The following PPP4R1 variants were observed in gnomAD, a reference collection of about 807,000 sequenced individuals.
The protein encoded by PPP4R1 is serine/threonine-protein phosphatase 4 regulatory subunit 1.
In PPP4R1, 42 loss-of-function variants were observed where a neutral mutation model predicts 111.2. That is an observed-to-expected ratio of 0.38 (90% CI 0.29 to 0.49). PPP4R1 has a LOEUF of 0.49. PPP4R1 is among the 20% of genes least tolerant of loss of function. The pLI, the probability that PPP4R1 is intolerant of heterozygous loss-of-function variation, is 0.97. For missense variants in PPP4R1, 1,012 were observed against 1,161.6 expected (o/e 0.87, Z 1.87); for synonymous variants, 409 against 405.5 (o/e 1.01, Z -0.10).
intron 2 of PPP4R1, among the ~76,000 whole-genome samples, chr18:9,609,454 C>T (rs2067540307): frequency 6.6e-6 from 1 of 152,194 alleles, no homozygotes; most frequent in Admixed American, 6.5e-5. Context: ...AGATTCTGCA[C>T]AGAGTGCGGT....
At chr18:9,602,351 GA>G (rs1436297759) in intron 2 of PPP4R1, among the ~76,000 whole-genome samples, 1 of 125,962 alleles carries the variant, frequency 7.9e-6, no homozygotes, top group African/African-American at 3.1e-5. Flanking sequence ...TTAACATGGT[GA>G]AACCCCATCT....
At chr18:9,591,795 G>A (rs147206810) in intron 4 of PPP4R1, among the ~76,000 whole-genome samples, 225 of 152,180 alleles carry the variant, frequency 1.5e-3, no homozygotes, top group African/African-American at 5.2e-3. Context: ...GGCTGGTCAC[G>A]GTGGCTCATG....
intron 11 of PPP4R1, among the ~76,000 whole-genome samples, chr18:9,565,112 T>C (rs1202466953): frequency 1.3e-5 from 2 of 152,216 alleles, no homozygotes; most frequent in Non-Finnish European, 2.9e-5. Flanking sequence ...TGTGCCTCTG[T>C]ATTGTATGTT....
intron 2 of PPP4R1, among the ~76,000 whole-genome samples, chr18:9,596,560 A>T (rs2067293231): frequency 6.6e-6 from 1 of 152,174 alleles, no homozygotes; most frequent in Admixed American, 6.5e-5. Context: ...AGTATTTTTG[A>T]AACAAATAAA....
intron 13 of PPP4R1, among the ~76,000 whole-genome samples, chr18:9,561,524 C>T (rs187973413): frequency 2.0e-5 from 3 of 152,208 alleles, no homozygotes; most frequent in East Asian, 3.9e-4. Context: ...TCAATGATTC[C>T]GTGAGCACAG....
chr18:9,596,233 T>C lies in PPP4R1; in HGVS notation c.53-1080A>G, dbSNP rs1012945670. On this transcript the variant is annotated intron_variant, in intron 2 of 19. Transcript: ENST00000400556. ...CAACAAATAAATATAAATTGAAGTTTTAGCAATAAGAAAATATTACTGATG... is the reference window on the plus strand; with the variant it reads ...CAACAAATAAATATAAATTGAAGTTCTAGCAATAAGAAAATATTACTGATG... 1.7e-4 allele frequency among the ~76,000 whole-genome samples: 26 copies of C among 152,324 alleles called. 1 individual carries two copies. The highest frequency in any genetic ancestry group is 3.4e-3 in the Middle Eastern group (1 of 294).
rs1175464129 is a variant in PPP4R1 at position 9,614,419 on chromosome 18, G to T, written c.7+59C>A. On this transcript the variant is annotated intron_variant, in intron 1 of 19. Coordinates refer to ENST00000400556, the MANE Select transcript of PPP4R1 (RefSeq NM_001042388.3). This position sits in a 1 kb window ranked among gnomAD's most constrained non-coding sequence, Gnocchi z 4.1. ...CGGCCCGGCAGCCACTCAGGGCTGC[G>T]GCGGAGGGCGGGTGGGCTCGAGGAG... 55 of 1,012,052 alleles carry T rather than the reference G, an allele frequency of 5.4e-5. No homozygotes were observed. The highest frequency in any genetic ancestry group is 6.4e-5 in the Non-Finnish European group (54 of 848,714). 62.7% of individuals were successfully genotyped at this position (1,012,052 alleles called of 1,614,324 possible).
upstream of PPP4R1, among the ~76,000 whole-genome samples, chr18:9,615,801 A>G: frequency 6.6e-6 from 1 of 152,238 alleles, no homozygotes; most frequent in Non-Finnish European, 1.5e-5. Flanking sequence ...ACCAAGGACA[A>G]TGTGTTGGCA....
At chr18:9,557,636 G>A (rs946996034) in intron 14 of PPP4R1, among the ~76,000 whole-genome samples, 4 of 152,184 alleles carry the variant, frequency 2.6e-5, no homozygotes, top group Admixed American at 6.5e-5. Context: ...TGAAGTTTTT[G>A]TAGCTCTCTG....
intron 15 of PPP4R1, among the ~76,000 whole-genome samples, chr18:9,555,972 T>G (rs951086577): frequency 7.5e-6 from 1 of 132,926 alleles, no homozygotes; most frequent in Non-Finnish European, 1.6e-5. Flanking sequence ...CCATCTCTAC[T>G]AAAACAAACA....
At chr18:9,588,334 C>T in intron 5 of PPP4R1, 99 bp from the exon 6 acceptor site, 15 of 1,273,484 alleles carry the variant, frequency 1.2e-5, no homozygotes, top group Middle Eastern at 2.0e-4. Context: ...TCAAAGGGAC[C>T]CATAACTGGC....
intron 16 of PPP4R1, among the ~76,000 whole-genome samples, chr18:9,552,102 T>G (rs2066498870): frequency 6.6e-6 from 1 of 152,150 alleles, no homozygotes; most frequent in African/African-American, 2.4e-5. Flanking sequence ...AAAGACAAAC[T>G]GTCAGCCCCA....
At chr18:9,582,692 C>CT (rs1483728000) in intron 9 of PPP4R1, among the ~76,000 whole-genome samples, 1 of 152,186 alleles carries the variant, frequency 6.6e-6, no homozygotes, top group Admixed American at 6.5e-5. Context: ...CATTATTACT[C>CT]TGACAACAAA....
At position 9,588,171 on chromosome 18, in the gene PPP4R1, T is replaced by A. The variant is rs2067151856; in HGVS notation, c.503A>T (p.Asp168Val). The A allele has an allele frequency of 1.2e-6, 2 of 1,614,050 alleles. No individual in the cohort carries two copies. Among genetic ancestry groups the A allele is most frequent in the Admixed American group, 1.7e-5 (1 of 60,002 alleles). ...GACAGGGCACACTTTGGTCTCCACA[T>A]CAAATCGTTCAATGAGCTCCTGCTC... ...LLEQELIERF[D>V]VETKVCPVLI... The change falls in exon 6 of 20, where the codon GAT becomes GTT. Residue 168 changes from aspartate to valine, a missense_variant. Around this residue, in one of 2 missense-constraint regions of PPP4R1, gnomAD observed 707 missense variants for 742.1 expected, o/e 0.95. Coordinates refer to ENST00000400556, the MANE Select transcript of PPP4R1 (RefSeq NM_001042388.3).
In PPP4R1 at chr18:9,587,726, T is replaced by C. The variant is rs893908096; in HGVS notation, c.585+363A>G. ...CAGCCCAGCCTAATTTTTTTTTTTT[T>C]CCTTGAGGCGGAGTCTTGCTCTGTC... is the stretch of plus-strand genomic sequence containing the variant. On this transcript the variant is annotated intron_variant, in intron 6 of 19. Transcript: ENST00000400556. 5.4e-5 allele frequency among the ~76,000 whole-genome samples: 8 copies of C among 147,426 alleles called. No homozygotes were observed. The East Asian group carries it at 1.2e-3, about 23-fold the overall frequency.
intron 9 of PPP4R1, among the ~76,000 whole-genome samples, chr18:9,582,906 T>C (rs902807101): frequency 8.5e-5 from 13 of 152,100 alleles, no homozygotes; most frequent in Non-Finnish European, 1.8e-4. Context: ...TAAATAAAAA[T>C]CAACAGGACT....
At chr18:9,569,664 T>G in intron 11 of PPP4R1, among the ~76,000 whole-genome samples, 1 of 151,698 alleles carries the variant, frequency 6.6e-6, no homozygotes, top group South Asian at 2.1e-4. Context: ...ATTAATTGTA[T>G]TTATCAAGAG....
intron 6 of PPP4R1, among the ~76,000 whole-genome samples, chr18:9,587,744 G>C (rs1425494185): frequency 6.9e-6 from 1 of 145,028 alleles, no homozygotes; most frequent in Non-Finnish European, 1.5e-5. Flanking sequence ...GCGGAGTCTT[G>C]CTCTGTCGCC....
At chr18:9,549,948 G>A in intron 18 of PPP4R1, 104 bp downstream of exon 18, 1 of 1,491,742 alleles carries the variant, frequency 6.7e-7, no homozygotes, top group Admixed American at 1.9e-5. Context: ...ATAAGGTTCT[G>A]TTCCTTAAGA....
Sources: allele counts gnomAD v4.1 joint callset (sites outside exome capture counted in the v4.1 genomes callset), GRCh38; gene constraint gnomAD v4.1.1; regional missense constraint gnomAD v4.1.1; non-coding constraint Gnocchi (gnomAD v3.1); transcripts MANE v1.5; gene names NCBI Gene and HGNC (gene_info 2026-07-23, HGNC 2026-07-21).